VPS13D: variants seen among roughly 807,000 people sequenced by gnomAD.
VPS13D encodes vacuolar protein sorting 13 homolog D.
Under a neutral mutation model 461.9 loss-of-function variants are expected in VPS13D, and 187 were observed. The observed-to-expected ratio is 0.40, with a 90% CI of 0.36 to 0.46. The LOEUF (loss-of-function observed/expected upper bound fraction) is 0.46, where lower values mean the gene tolerates loss of function less well. Ranked by LOEUF, VPS13D falls within the 20% of genes least tolerant of loss-of-function variation. The pLI is 0.60. For synonymous variants in VPS13D, 1,951 were observed against 1,986.3 expected, an observed-to-expected ratio of 0.98 and a Z score of 0.47; for missense variants, 4,711 against 5,364.9, an observed-to-expected ratio of 0.88 and a Z score of 3.81.
rs747363459 is a variant in VPS13D, at chr1:12,271,049, A to G, written c.2028A>G (p.Gln676=). ...ELRVAEAARR[Q]YNKLKMQTKA... is the part of the protein sequence containing the mutation. Reference sequence around the variant, plus strand: ...GAGTGGCTGAAGCTGCCCGAAGACAATATAACAAGCTGAAGATGCAGACCA... The same window carrying G: ...GAGTGGCTGAAGCTGCCCGAAGACAGTATAACAAGCTGAAGATGCAGACCA... Residue 676 remains glutamine, a synonymous_variant, in exon 17 of 70, where the codon CAA becomes CAG. Transcript: ENST00000620676. 24 of 1,614,016 alleles carry G rather than the reference A, an allele frequency of 1.5e-5. No individual in the cohort carries two copies. The highest frequency in any genetic ancestry group is 1.8e-5 in the Non-Finnish European group (21 of 1,179,954).
intron 37 of VPS13D, among the ~76,000 whole-genome samples, chr1:12,332,801 T>C (rs1643363722): frequency 6.6e-6 from 1 of 152,242 alleles, no homozygotes; most frequent in Admixed American, 6.5e-5. Context: ...CCTTCATATG[T>C]ACCTATTTAT....
chr1:12,306,398 C>T (rs1054961053), intron 26 of VPS13D, among the ~76,000 whole-genome samples: 1 of 152,186 alleles, frequency 6.6e-6, no homozygotes, highest in Non-Finnish European at 1.5e-5. Flanking sequence ...GCATGCACAT[C>T]TAGAACACAG....
intron 24 of VPS13D, among the ~76,000 whole-genome samples, chr1:12,298,044 A>G (rs1404333703): frequency 1.3e-5 from 2 of 152,212 alleles, no homozygotes; most frequent in African/African-American, 4.8e-5. Flanking sequence ...ACAGGAAAAA[A>G]AGACTGAAAA....
intron 65 of VPS13D, among the ~76,000 whole-genome samples, chr1:12,419,747 A>G (rs1330859440): frequency 6.6e-6 from 1 of 152,204 alleles, no homozygotes; most frequent in Non-Finnish European, 1.5e-5. Context: ...TTATAATTCA[A>G]CATGAGATTT....
At chr1:12,437,994 A>G (rs1406585216) in intron 65 of VPS13D, among the ~76,000 whole-genome samples, 3 of 152,286 alleles carry the variant, frequency 2.0e-5, no homozygotes, top group South Asian at 2.1e-4. Context: ...GGAAAATATC[A>G]GTCTGGATAT....
chr1:12,380,471 C>CCTCTGTCAT (rs145066607), intron 57 of VPS13D, among the ~76,000 whole-genome samples: 6 of 152,142 alleles, frequency 3.9e-5, no homozygotes, highest in African/African-American at 1.2e-4. Context: ...TGGACAGTTT[C>CCTCTGTCAT]CTCCTCAGCC....
At chr1:12,506,704 A>G (rs1428663952) in intron 68 of VPS13D, 149 bp from the exon 69 acceptor site, 4 of 1,068,716 alleles carry the variant, frequency 3.7e-6, no homozygotes, top group East Asian at 2.5e-5. Context: ...AACACCCACA[A>G]GATAGAATTT....
At chr1:12,287,994 A>G (rs1374692014) in intron 21 of VPS13D, among the ~76,000 whole-genome samples, 2 of 152,224 alleles carry the variant, frequency 1.3e-5, no homozygotes, top group Non-Finnish European at 2.9e-5. Context: ...CAAGGCAAGC[A>G]TAGAGAAGGC....
intron 27 of VPS13D, 121 bp downstream of exon 27, chr1:12,308,762 C>T (rs1197221425): frequency 1.1e-6 from 1 of 879,162 alleles, no homozygotes; most frequent in South Asian, 1.7e-5. Context: ...TGATTCTCCT[C>T]AGCCTCAGCC....
rs568315107 is a variant in VPS13D, at chr1:12,341,823, T to C, written c.8670T>C (p.Phe2890=). The change falls in exon 41 of 70, where the codon TTT becomes TTC. Residue 2890 remains phenylalanine (F), a synonymous_variant. Coordinates refer to ENST00000620676, the MANE Select transcript of VPS13D (RefSeq NM_015378.4). ...AGCGCCGGCAGCCATTTGTCCCCTT[T>C]GCTCTGAGGAACCACACGGGGTGCA... ...TPKRRQPFVP[F]ALRNHTGCTL... 2.5e-6 allele frequency: 4 copies of C among 1,614,004 alleles called. No individual in the cohort carries two copies. Among genetic ancestry groups the C allele is most frequent in the Admixed American group, 1.7e-5 (1 of 60,012 alleles).
intron 17 of VPS13D, among the ~76,000 whole-genome samples, chr1:12,272,003 G>A (rs1331229638): frequency 6.6e-6 from 1 of 152,096 alleles, no homozygotes; most frequent in African/African-American, 2.4e-5. Flanking sequence ...ACCAGCCTGG[G>A]CAACATAGTG....
intron 63 of VPS13D, among the ~76,000 whole-genome samples, chr1:12,412,098 AC>A (rs1644737613): frequency 6.6e-6 from 1 of 152,168 alleles, no homozygotes; most frequent in African/African-American, 2.4e-5. Context: ...CTAAGAATAA[AC>A]CCAACCAAAG....
chr1:12,448,281 C>T lies in VPS13D; in HGVS notation c.12334-7717C>T, dbSNP rs1399152389. Among the ~76,000 whole-genome samples the T allele has an allele frequency of 5.3e-5, 8 of 152,112 alleles. No individual in the cohort carries two copies. In the East Asian group the frequency reaches 1.5e-3, roughly 29 times the overall value. ...AAATCAGGCTTTATGGTGTGACCGCCATAGAGGGAATTTTTTTTCCTGCAT... is the reference window on the plus strand; with the variant it reads ...AAATCAGGCTTTATGGTGTGACCGCTATAGAGGGAATTTTTTTTCCTGCAT... On this transcript the variant is annotated intron_variant, in intron 65 of 69. Coordinates refer to ENST00000620676, the MANE Select transcript of VPS13D (RefSeq NM_015378.4).
intron 30 of VPS13D, among the ~76,000 whole-genome samples, chr1:12,316,229 G>A (rs1442928249): frequency 1.3e-5 from 2 of 152,292 alleles, no homozygotes; most frequent in South Asian, 2.1e-4. Flanking sequence ...GGAAATATTT[G>A]TGTATTATAG....
intron 13 of VPS13D, among the ~76,000 whole-genome samples, chr1:12,266,440 G>A (rs1388517134): frequency 6.6e-6 from 1 of 152,218 alleles, no homozygotes; most frequent in African/African-American, 2.4e-5. Flanking sequence ...TGATCAGTCA[G>A]CAGGCATCAT....
At chr1:12,322,440 C>G in intron 33 of VPS13D, 96 bp from the exon 34 acceptor site, 1 of 1,251,460 alleles carries the variant, frequency 8.0e-7, no homozygotes, top group Non-Finnish European at 1.1e-6. Context: ...ATCTGTTGGA[C>G]TTTTAGAAGT....
At position 12,509,129 on chromosome 1, in the gene VPS13D, G is replaced by A. The variant is rs139204686; in HGVS notation, c.*105G>A. On this transcript the variant is annotated 3_prime_UTR_variant, in exon 70 of 70. Transcript: ENST00000620676. ...GGAGGCAGAACCGGAGTCGGGTTTG[G>A]GGAAGTTGTCAAGGAATGAGGGAAA... is the stretch of plus-strand genomic sequence containing the variant. 1.8e-4 allele frequency: 260 copies of A among 1,410,586 alleles called. 3 individuals are homozygous for A. In the East Asian group the frequency reaches 6.0e-3, roughly 32 times the overall value. 87.4% of individuals were successfully genotyped at this position (1,410,586 alleles called of 1,614,324 possible). A position where few individuals can be genotyped will look rare whatever the true frequency, so the allele number is the denominator to read the frequency against.
chr1:12,235,271 A>G (rs1396574136), intron 2 of VPS13D, among the ~76,000 whole-genome samples: 3 of 152,144 alleles, frequency 2.0e-5, no homozygotes, highest in Non-Finnish European at 4.4e-5. Context: ...GGTGGTTCAC[A>G]TGTTCCATTA....
intron 65 of VPS13D, among the ~76,000 whole-genome samples, chr1:12,439,794 C>T (rs1269108850): frequency 1.3e-5 from 2 of 152,150 alleles, no homozygotes; most frequent in Non-Finnish European, 2.9e-5. Context: ...GGCATTATCT[C>T]CATTTATAGA....
Sources: gnomAD v4.1 joint callset for allele counts (sites outside exome capture counted in the v4.1 genomes callset) on GRCh38, gnomAD v4.1.1 for gene constraint, MANE v1.5 for transcripts, NCBI Gene and HGNC (gene_info 2026-07-23, HGNC 2026-07-21) for gene names.